CLINT1: variants seen among roughly 807,000 people sequenced by gnomAD.
CLINT1 encodes clathrin interactor 1.
CLINT1 carries 15 observed loss-of-function variants against 70.4 expected under a neutral mutation model. That is an observed-to-expected ratio of 0.21 (90% confidence interval 0.14 to 0.33). The LOEUF (loss-of-function observed/expected upper bound fraction) is 0.33. CLINT1 is among the 10% of genes least tolerant of loss of function. The pLI is 1.00. For synonymous variants in CLINT1, 227 were observed against 254.7 expected, an observed-to-expected ratio of 0.89 and a Z score of 1.04; for missense variants, 615 against 778.1, an observed-to-expected ratio of 0.79 and a Z score of 2.49.
At chr5:157,788,474 T>C (rs1290296250) in intron 11 of CLINT1, among the ~76,000 whole-genome samples, 1 of 152,216 alleles carries the variant, frequency 6.6e-6, no homozygotes, top group Non-Finnish European at 1.5e-5. Flanking sequence ...TGAAGATTTA[T>C]ACAAAATCTT....
chr5:157,837,596 C>T (rs1239785697), intron 1 of CLINT1, among the ~76,000 whole-genome samples: 1 of 151,572 alleles, frequency 6.6e-6, no homozygotes, highest in Non-Finnish European at 1.5e-5. Flanking sequence ...ATACTACTTA[C>T]ATTAAATTCA....
At chr5:157,814,582 T>C (rs554265145) in intron 3 of CLINT1, among the ~76,000 whole-genome samples, 17 of 152,336 alleles carry the variant, frequency 1.1e-4, no homozygotes, top group African/African-American at 3.6e-4. Context: ...TTGATATAAA[T>C]AGACAATAAG....
Position 157,787,599 on chromosome 5 carries a change from C to T in CLINT1, c.*47G>A, listed in dbSNP as rs1462259437. ...CATTTTCCATCCCAACATCACCTATCTGCACAGCTAAAAATTCTTCATTCA... is the reference window on the plus strand; with the variant it reads ...CATTTTCCATCCCAACATCACCTATTTGCACAGCTAAAAATTCTTCATTCA... On this transcript the variant is annotated 3_prime_UTR_variant, in exon 12 of 12. Coordinates refer to ENST00000411809, the MANE Select transcript of CLINT1 (RefSeq NM_014666.4). The T allele has an allele frequency of 6.7e-6, 10 of 1,497,436 alleles. No individual in the cohort carries two copies. Among genetic ancestry groups the T allele is most frequent in the Non-Finnish European group, 9.2e-6 (10 of 1,082,462 alleles). 92.8% of individuals were successfully genotyped at this position (1,497,436 alleles called of 1,614,324 possible).
At chr5:157,804,319 C>A (rs1305571578) in intron 7 of CLINT1, among the ~76,000 whole-genome samples, 1 of 152,046 alleles carries the variant, frequency 6.6e-6, no homozygotes, top group African/African-American at 2.4e-5. Flanking sequence ...ATATTTAGTT[C>A]CCCAACTAAA....
At chr5:157,848,576 T>C (rs1753462102) in intron 1 of CLINT1, among the ~76,000 whole-genome samples, 1 of 151,150 alleles carries the variant, frequency 6.6e-6, no homozygotes, top group Non-Finnish European at 1.5e-5. Flanking sequence ...CTATTTCCGC[T>C]CACTGCAACC....
intron 2 of CLINT1, among the ~76,000 whole-genome samples, 151 bp from the exon 3 acceptor site, chr5:157,816,981 T>C (rs1312572743): frequency 6.6e-6 from 1 of 152,160 alleles, no homozygotes; most frequent in Non-Finnish European, 1.5e-5. Flanking sequence ...TCCTTGAAAA[T>C]GTTTTCCCTA....
intron 3 of CLINT1, among the ~76,000 whole-genome samples, chr5:157,816,385 C>T (rs1241658131): frequency 1.3e-5 from 2 of 152,098 alleles, no homozygotes; most frequent in African/African-American, 2.4e-5. Context: ...ATTTCTATGT[C>T]GATGACAAAC....
chr5:157,791,714 A>G lies in CLINT1; in HGVS notation c.1369T>C (p.Ser457Pro). ...ACCAGACAACTTACCTGTGATCTTG[A>G]CATAGGCAAACCAAGTCCCACAGTG... is the stretch of plus-strand genomic sequence containing the variant. ...TNTVGLGLPM[S>P]RSQNTDMVQK... Residue 457 changes from serine to proline, a missense_variant, in exon 10 of 12, where the codon TCA (serine) becomes CCA (proline). By Grantham distance (74) the Ser-to-Pro change is moderately conservative. Coordinates refer to ENST00000411809, the MANE Select transcript of CLINT1 (RefSeq NM_014666.4). 6.2e-7 allele frequency: 1 copy of G among 1,612,192 alleles called. No individual in the cohort carries two copies. The highest frequency in any genetic ancestry group is 8.5e-7 in the Non-Finnish European group (1 of 1,178,842).
At chr5:157,817,625 G>T in intron 1 of CLINT1, 78 bp from the exon 2 acceptor site, 1 of 925,234 alleles carries the variant, frequency 1.1e-6, no homozygotes, top group Non-Finnish European at 1.7e-6. Flanking sequence ...ACTTAATAAT[G>T]ACACTACTGG....
chr5:157,852,397 AAGAG>A lies in CLINT1; in HGVS notation c.41+6529_41+6532del, dbSNP rs369196213. Among the ~76,000 whole-genome samples, 248 of 152,348 alleles carry A rather than the reference AAGAG, an allele frequency of 1.6e-3. 2 individuals are homozygous for A. Among genetic ancestry groups the A allele is most frequent in the African/African-American group, 5.6e-3 (232 of 41,588 alleles). ...CTATATGTAGGCTAAACTGAGTCTT[AAGAG>A]AGAGTACTCACTGAAAATAATGATT... On this transcript the variant is annotated intron_variant, in intron 1 of 11. Coordinates refer to ENST00000411809, the MANE Select transcript of CLINT1 (RefSeq NM_014666.4).
chr5:157,786,512 C>A lies in CLINT1; in HGVS notation c.*1134G>T, dbSNP rs1761731666. ...TCATGATTTTCATGTGAGCTTAATG[C>A]AGAATTACAGCAGAAAAACAAAAAC... On this transcript the variant is annotated 3_prime_UTR_variant, in exon 12 of 12. Transcript: ENST00000411809. 6.6e-6 allele frequency: 1 copy of A among 152,430 alleles called. No homozygotes were observed. Among genetic ancestry groups the A allele is most frequent in the African/African-American group, 2.4e-5 (1 of 41,400 alleles). 9.4% of individuals were successfully genotyped at this position (152,430 alleles called of 1,614,324 possible).
intron 8 of CLINT1, chr5:157,795,410 T>C (rs1484202258): frequency 6.4e-6 from 1 of 156,976 alleles, no homozygotes; most frequent in African/African-American, 2.4e-5. Context: ...TTAATTGCTA[T>C]CCTGAAATGA....
intron 6 of CLINT1, among the ~76,000 whole-genome samples, chr5:157,808,306 T>C (rs1037434890): frequency 2.6e-5 from 4 of 152,100 alleles, no homozygotes; most frequent in African/African-American, 9.7e-5. Context: ...AATTAGATTG[T>C]ATTTTTGTTT....
intron 8 of CLINT1, among the ~76,000 whole-genome samples, chr5:157,800,446 G>A (rs534158659): frequency 6.6e-6 from 1 of 152,132 alleles, no homozygotes; most frequent in East Asian, 1.9e-4. Context: ...TCGTGTAAGT[G>A]CTAAAGATTT....
intron 1 of CLINT1, among the ~76,000 whole-genome samples, chr5:157,857,506 A>G (rs1185382613): frequency 1.3e-5 from 2 of 152,254 alleles, no homozygotes; most frequent in Non-Finnish European, 2.9e-5. Context: ...TTTCTTAAAG[A>G]GGTTTATTTC....
At chr5:157,817,659 A>C (rs1762763870) in intron 1 of CLINT1, 112 bp from the exon 2 acceptor site, 1 of 638,644 alleles carries the variant, frequency 1.6e-6, no homozygotes, top group Admixed American at 2.6e-5. Context: ...CTACCTCTAC[A>C]GGATGGGAGA....
At chr5:157,848,999 T>C (rs1753480808) in intron 1 of CLINT1, among the ~76,000 whole-genome samples, 1 of 152,026 alleles carries the variant, frequency 6.6e-6, no homozygotes, top group Admixed American at 6.6e-5. Flanking sequence ...GATTTTGCCA[T>C]GCTGGCCAGG....
intron 1 of CLINT1, among the ~76,000 whole-genome samples, chr5:157,839,315 C>T (rs1020203878): frequency 3.3e-5 from 5 of 151,912 alleles, no homozygotes; most frequent in Admixed American, 1.3e-4. Context: ...AGAACTTTGT[C>T]CCAGGCCAGG....
intron 4 of CLINT1, 115 bp downstream of exon 4, chr5:157,814,070 C>T: frequency 1.4e-6 from 1 of 706,704 alleles, no homozygotes; most frequent in South Asian, 1.7e-5. Flanking sequence ...GCACTCGTCA[C>T]ACAACCAGCA....
Sources: allele counts gnomAD v4.1 joint callset (sites outside exome capture counted in the v4.1 genomes callset), GRCh38; gene constraint gnomAD v4.1.1; transcripts MANE v1.5; gene names NCBI Gene and HGNC (gene_info 2026-07-23, HGNC 2026-07-21).